Variants in NBAS observed in about 807,000 individuals in gnomAD.
NBAS encodes the protein NBAS subunit of NRZ tethering complex.
A neutral mutation model predicts 302.5 loss-of-function variants in NBAS; 219 were observed. That is an observed-to-expected ratio of 0.72 (90% CI 0.65 to 0.81). The LOEUF (loss-of-function observed/expected upper bound fraction) is 0.81. Ranked by LOEUF, NBAS falls within the 30% of genes least tolerant of loss-of-function variation. The pLI is 0.00. For missense variants in NBAS, 2,932 were observed against 2,841.6 expected, an observed-to-expected ratio of 1.03 and a Z score of -0.72; for synonymous variants, 1,118 against 1,021.6, an observed-to-expected ratio of 1.09 and a Z score of -1.80.
chr2:15,063,583 A>G, the NBAS span, among the ~76,000 whole-genome samples: 14 of 152,168 alleles, frequency 9.2e-5, no homozygotes, highest in Non-Finnish European at 1.3e-4. Context: ...ATACCTCAGA[A>G]TGGGAGTGTA....
At chr2:15,309,091 A>G in intron 39 of NBAS, 80 bp downstream of exon 39, 1 of 1,102,320 alleles carries the variant, frequency 9.1e-7, no homozygotes, top group Non-Finnish European at 1.3e-6. Context: ...CATGCAATAA[A>G]CAATTTTACC....
At chr2:15,177,799 G>T (rs1455115639) in intron 51 of NBAS, 1 of 168,660 alleles carries the variant, frequency 5.9e-6, no homozygotes, top group Non-Finnish European at 1.3e-5. Flanking sequence ...GAGGGCTACG[G>T]AAAGGCAAGT....
the NBAS span, among the ~76,000 whole-genome samples, chr2:15,126,630 G>T: frequency 6.6e-6 from 1 of 152,186 alleles, no homozygotes; most frequent in African/African-American, 2.4e-5. Flanking sequence ...TGACAAAGGA[G>T]AGTGGTGGTA....
At chr2:15,414,949 A>C (rs1676853397) in intron 25 of NBAS, among the ~76,000 whole-genome samples, 1 of 152,240 alleles carries the variant, frequency 6.6e-6, no homozygotes, top group Admixed American at 6.5e-5. Flanking sequence ...TGTCTCAAAA[A>C]AAGAAAAAAA....
chr2:15,543,580 G>A (rs1195283289), intron 6 of NBAS, among the ~76,000 whole-genome samples: 1 of 152,198 alleles, frequency 6.6e-6, no homozygotes, highest in Non-Finnish European at 1.5e-5. Context: ...AATCATGGTG[G>A]AAGGCAAGGA....
chr2:15,117,111 G>A, the NBAS span, among the ~76,000 whole-genome samples: 22 of 152,218 alleles, frequency 1.4e-4, no homozygotes, highest in South Asian at 4.6e-3. Context: ...ATGGCAAACT[G>A]TGGGTCTGTC....
chr2:15,341,165 C>G (rs116389623), intron 35 of NBAS, among the ~76,000 whole-genome samples: 4,182 of 152,196 alleles, frequency 0.027, 155 homozygotes, highest in African/African-American at 0.084. Flanking sequence ...GTGGGCAGAT[C>G]ACTTGAGGCC....
At chr2:15,456,258 T>C (rs898502209) in intron 21 of NBAS, among the ~76,000 whole-genome samples, 1 of 152,224 alleles carries the variant, frequency 6.6e-6, no homozygotes, top group Non-Finnish European at 1.5e-5. Context: ...AATCATAAAA[T>C]GTGTCTGAAT....
In NBAS at chr2:15,282,661, T is replaced by C. The variant is rs192847562; in HGVS notation, c.5138+4412A>G. Among the ~76,000 whole-genome samples, 50 of 152,282 alleles carry C rather than the reference T, an allele frequency of 3.3e-4. No individual in the cohort carries two copies. In the East Asian group the frequency reaches 8.7e-3, roughly 26 times the overall value. ...CAAGATAAATCACTTGTATAACCAT[T>C]TGAGTGACCAAAAAGTAGATATTAG... On this transcript the variant is annotated intron_variant, in intron 42 of 51. Transcript: ENST00000281513.
intron 38 of NBAS, among the ~76,000 whole-genome samples, chr2:15,310,835 C>T (rs535733059): frequency 1.2e-4 from 19 of 152,240 alleles, no homozygotes; most frequent in Non-Finnish European, 2.4e-4. Flanking sequence ...CTTCTTCCTT[C>T]GTGACAATCG....
At chr2:14,800,906 C>T in the NBAS span, among the ~76,000 whole-genome samples, 1 of 149,346 alleles carries the variant, frequency 6.7e-6, no homozygotes, top group African/African-American at 2.5e-5. Flanking sequence ...AAAAGTATTA[C>T]CTTTAATATT....
chr2:15,151,094 C>T, the NBAS span, among the ~76,000 whole-genome samples: 1 of 152,220 alleles, frequency 6.6e-6, no homozygotes, highest in Non-Finnish European at 1.5e-5. Context: ...ATTACTAGTG[C>T]TTCCCTACTG....
intron 7 of NBAS, among the ~76,000 whole-genome samples, chr2:15,538,680 G>A (rs950915367): frequency 2.0e-5 from 3 of 152,052 alleles, no homozygotes; most frequent in East Asian, 1.9e-4. Flanking sequence ...CATTATTCAC[G>A]GAATTGTCAT....
the NBAS span, among the ~76,000 whole-genome samples, chr2:14,951,254 G>A: frequency 6.6e-6 from 1 of 152,172 alleles, no homozygotes; most frequent in African/African-American, 2.4e-5. Context: ...AAATGAGGAA[G>A]AGAGTGATCC....
intron 38 of NBAS, among the ~76,000 whole-genome samples, chr2:15,309,732 C>T (rs1671194463): frequency 6.6e-6 from 1 of 152,192 alleles, no homozygotes; most frequent in African/African-American, 2.4e-5. Context: ...CACCCCTCCT[C>T]ATCACGCTCC....
intron 9 of NBAS, among the ~76,000 whole-genome samples, chr2:15,528,511 T>C (rs1015830886): frequency 9.2e-5 from 8 of 87,138 alleles, no homozygotes; most frequent in South Asian, 6.3e-4. Flanking sequence ...TATACATATA[T>C]ACACACACAC....
intron 35 of NBAS, among the ~76,000 whole-genome samples, chr2:15,351,146 C>A (rs1673336733): frequency 2.0e-5 from 3 of 152,034 alleles, no homozygotes; most frequent in African/African-American, 4.8e-5. Context: ...TTCTACATGG[C>A]AATAAAAATG....
At chr2:15,270,848 C>A (rs1327907226) in intron 44 of NBAS, among the ~76,000 whole-genome samples, 1 of 152,164 alleles carries the variant, frequency 6.6e-6, no homozygotes, top group African/African-American at 2.4e-5. Context: ...TGGCACATAG[C>A]AAATGCCTAA....
chr2:15,259,037 T>G (rs555557706), intron 44 of NBAS, among the ~76,000 whole-genome samples: 1 of 152,210 alleles, frequency 6.6e-6, no homozygotes, highest in East Asian at 1.9e-4. Context: ...TTAGGGAAAA[T>G]AGAAAGAACC....
Sources: allele counts gnomAD v4.1 joint callset (sites outside exome capture counted in the v4.1 genomes callset), GRCh38; gene constraint gnomAD v4.1.1; transcripts MANE v1.5; gene names NCBI Gene and HGNC (gene_info 2026-07-23, HGNC 2026-07-21).